RGPD1: variants seen among roughly 807,000 people sequenced by gnomAD.
The protein encoded by RGPD1 is RANBP2 like and GRIP domain containing 1.
A neutral mutation model predicts 40.6 loss-of-function variants in RGPD1; 7 were observed. That is an observed-to-expected ratio of 0.17 (90% CI 0.10 to 0.32). RGPD1 has a LOEUF of 0.32. Among genes scored for constraint, RGPD1 ranks in the 10% least tolerant of loss-of-function variants. The pLI, the probability that RGPD1 is intolerant of heterozygous loss-of-function variation, is 1.00. For missense variants in RGPD1, 50 were observed against 472.5 expected (o/e 0.11, Z 8.29); for synonymous variants, 24 against 167.0 (o/e 0.14, Z 6.60).
At chr2:86,927,308 TA>T (rs1294056917) in intron 1 of RGPD1, among the ~76,000 whole-genome samples, 2 of 148,658 alleles carry the variant, frequency 1.3e-5, no homozygotes, top group Admixed American at 1.3e-4. Flanking sequence ...TTAGCAAATG[TA>T]AAAACTCATA....
intron 1 of RGPD1, chr2:86,913,994 G>A: frequency 5.8e-6 from 5 of 856,256 alleles, no homozygotes; most frequent in Non-Finnish European, 4.2e-6. Flanking sequence ...GGGCGGCGGC[G>A]GCGGCCTCGG....
At chr2:86,920,105 T>G (rs1293800248) in intron 1 of RGPD1, among the ~76,000 whole-genome samples, 3 of 152,002 alleles carry the variant, frequency 2.0e-5, no homozygotes, top group African/African-American at 7.2e-5. Context: ...GGTTTTGCTC[T>G]GTCGTCTAGG....
intron 1 of RGPD1, among the ~76,000 whole-genome samples, chr2:86,924,815 T>C (rs1215909352): frequency 6.6e-6 from 1 of 151,600 alleles, no homozygotes; most frequent in East Asian, 2.0e-4. Flanking sequence ...ATCTGTAATT[T>C]TAATTTCTTT....
At chr2:86,931,870 ATT>A (rs1678992701) in intron 1 of RGPD1, among the ~76,000 whole-genome samples, 1 of 148,754 alleles carries the variant, frequency 6.7e-6, no homozygotes, top group Admixed American at 6.7e-5. Flanking sequence ...AGAGTTTGTA[ATT>A]TCCATAACTT....
At chr2:86,926,902 G>T (rs1678549406) in intron 1 of RGPD1, among the ~76,000 whole-genome samples, 1 of 151,550 alleles carries the variant, frequency 6.6e-6, no homozygotes, top group African/African-American at 2.4e-5. Flanking sequence ...GCAAAGTAAT[G>T]GAATAAGTTC....
At chr2:86,916,451 TATGTAG>T (rs1677802673) in intron 1 of RGPD1, among the ~76,000 whole-genome samples, 3 of 113,342 alleles carry the variant, frequency 2.6e-5, no homozygotes, top group Non-Finnish European at 1.9e-5. Flanking sequence ...TTTACTGAAG[TATGTAG>T]GCAGTATTTT....
intron 1 of RGPD1, among the ~76,000 whole-genome samples, chr2:86,928,712 G>C (rs1678684464): frequency 6.6e-6 from 1 of 152,200 alleles, no homozygotes; most frequent in Non-Finnish European, 1.5e-5. Flanking sequence ...CTTGACGAAA[G>C]GCATTGGCAA....
chr2:86,927,088 A>G (rs1378139693), intron 1 of RGPD1, among the ~76,000 whole-genome samples: 6 of 152,020 alleles, frequency 3.9e-5, no homozygotes, highest in Admixed American at 6.6e-5. Context: ...ATCATTTTCA[A>G]TTTTCCTTCC....
chr2:86,914,160 GCCTCGGCCTCGGCCTGGCCGGA>G (rs1677611454), intron 1 of RGPD1, among the ~76,000 whole-genome samples: 1 of 69,124 alleles, frequency 1.4e-5, no homozygotes. Flanking sequence ...GGCGGCGGCG[GCCTCGGCCTCGGCCTGGCCGGA>G]CGGCGGCGGC....
chr2:86,913,877 C>G (rs199845090), exon 1 of RGPD1: 11 of 1,578,448 alleles, frequency 7.0e-6, no homozygotes, highest in Non-Finnish European at 9.5e-6. Flanking sequence ...CTACGGGGAG[C>G]GGTACCTCGC....
chr2:86,919,112 G>T, intron 1 of RGPD1, among the ~76,000 whole-genome samples: 1 of 48,806 alleles, frequency 2.0e-5, no homozygotes, highest in Non-Finnish European at 3.8e-5. Context: ...GAGAAACTGT[G>T]AGGTCAAGTA....
In RGPD1 at chr2:86,943,108, G is replaced by T. The variant is rs535114530; in HGVS notation, c.72+800G>T. Among the ~76,000 whole-genome samples, 222 of 151,564 alleles carry T rather than the reference G, an allele frequency of 1.5e-3. 1 individual carries two copies. The highest frequency in any genetic ancestry group is 5.2e-3 in the African/African-American group (216 of 41,358). ...CCCAGTGGGGACTGACGCAGCTCCG[G>T]GTGAGCTTTGGCGGCTGTGTCGAGT... On this transcript the variant is annotated intron_variant, in intron 1 of 22. Coordinates refer to ENST00000641458, the MANE Select transcript of RGPD1 (RefSeq NM_001382344.1).
At chr2:86,926,149 G>T (rs1678483353) in intron 1 of RGPD1, among the ~76,000 whole-genome samples, 2 of 152,250 alleles carry the variant, frequency 1.3e-5, no homozygotes, top group South Asian at 4.1e-4. Context: ...TCAGAGGGAG[G>T]TATAATTCTG....
intron 1 of RGPD1, among the ~76,000 whole-genome samples, chr2:86,924,302 T>C (rs1162369504): frequency 6.6e-6 from 1 of 151,630 alleles, no homozygotes; most frequent in Non-Finnish European, 1.5e-5. Flanking sequence ...ATTACAGGTA[T>C]GCGCCACCAT....
intron 1 of RGPD1, among the ~76,000 whole-genome samples, chr2:86,944,357 C>T (rs187738756): frequency 6.6e-6 from 1 of 151,672 alleles, no homozygotes; most frequent in Admixed American, 6.6e-5. Context: ...TAAAACAGAC[C>T]TTAATTGAGG....
chr2:86,960,799 C>T (rs1489625254), intron 6 of RGPD1, among the ~76,000 whole-genome samples: 1 of 56,986 alleles, frequency 1.8e-5, no homozygotes, highest in East Asian at 4.4e-4. Context: ...CTGTGTTAGC[C>T]AGGATGGTCT....
intron 1 of RGPD1, among the ~76,000 whole-genome samples, chr2:86,943,577 G>T (rs549639865): frequency 6.6e-6 from 1 of 151,932 alleles, no homozygotes; most frequent in Admixed American, 6.6e-5. Flanking sequence ...GGGTATTTGG[G>T]GCCAGTTACA....
rs1174406158 is a variant in RGPD1, at chr2:87,000,637, C to A, written c.5236+2879C>A. On this transcript the variant is annotated intron_variant, in intron 22 of 22. Transcript: ENST00000641458. ...GATGGTTTAGCAGCAGATTTAGATA[C>A]CTTACATTTTCTCTTTAAGAGAGAG... Among the ~76,000 whole-genome samples, 3 of 89,398 alleles carry A rather than the reference C, an allele frequency of 3.4e-5. 1 individual carries two copies. Among genetic ancestry groups the A allele is most frequent in the Non-Finnish European group, 6.7e-5 (3 of 45,022 alleles). 58.6% of individuals were successfully genotyped at this position (89,398 alleles called of 152,430 possible).
rs1454241500 is a variant in RGPD1, at chr2:86,942,567, C to T, written c.72+259C>T. ...CGGCGGCGGCGGCCTCGACGTGGCC[C>T]GGCGGCGGCCTCGATGGCTCAGGCG... On this transcript the variant is annotated intron_variant, in intron 1 of 22. Transcript: ENST00000641458. 8.0e-5 allele frequency among the ~76,000 whole-genome samples: 3 copies of T among 37,354 alleles called. No individual in the cohort carries two copies. The East Asian group carries it at 2.4e-3, about 30-fold the overall frequency. 24.5% of individuals were successfully genotyped at this position (37,354 alleles called of 152,430 possible).
Sources: allele counts gnomAD v4.1 joint callset (sites outside exome capture counted in the v4.1 genomes callset), GRCh38; gene constraint gnomAD v4.1.1; transcripts MANE v1.5; gene names NCBI Gene and HGNC (gene_info 2026-07-23, HGNC 2026-07-21).